Variants in C14orf93 observed in about 807,000 individuals in gnomAD.
C14orf93 encodes the protein chromosome 14 open reading frame 93.
A neutral mutation model predicts 44.0 loss-of-function variants in C14orf93; 23 were observed. That is an observed-to-expected ratio of 0.52 (90% confidence interval 0.38 to 0.74). The LOEUF is 0.74. Among genes scored for constraint, C14orf93 ranks in the 30% least tolerant of loss-of-function variants. C14orf93 has a pLI of 0.00. For missense variants in C14orf93, 579 were observed against 678.9 expected (o/e 0.85, Z 1.64); for synonymous variants, 253 against 265.7 (o/e 0.95, Z 0.46).
intron 5 of C14orf93, among the ~76,000 whole-genome samples, chr14:22,988,637 GGGACT>G (rs1445025832): frequency 1.3e-5 from 2 of 152,150 alleles, no homozygotes; most frequent in Admixed American, 1.3e-4. Context: ...CTGAGCAGCT[GGGACT>G]ACAGGTGCAC....
chr14:23,001,692 T>G (rs1002429600), intron 1 of C14orf93, among the ~76,000 whole-genome samples: 1 of 151,678 alleles, frequency 6.6e-6, no homozygotes, highest in African/African-American at 2.4e-5. Flanking sequence ...CTTGAACTCC[T>G]GACCTCAGGT....
At chr14:22,993,135 C>T (rs911562382) in intron 3 of C14orf93, among the ~76,000 whole-genome samples, 6 of 152,210 alleles carry the variant, frequency 3.9e-5, no homozygotes, top group Non-Finnish European at 7.3e-5. Flanking sequence ...CCGCCTTGGC[C>T]TCCCAGAGTG....
At chr14:23,007,635 A>T (rs2139837283) in intron 1 of C14orf93, among the ~76,000 whole-genome samples, 1 of 152,332 alleles carries the variant, frequency 6.6e-6, no homozygotes, top group East Asian at 1.9e-4. Flanking sequence ...TATATGTGCG[A>T]GGAATTCTCT....
intron 2 of C14orf93, among the ~76,000 whole-genome samples, chr14:22,997,346 G>C (rs764314531): frequency 2.6e-5 from 4 of 152,124 alleles, no homozygotes; most frequent in Non-Finnish European, 5.9e-5. Context: ...CAGCAGATGG[G>C]CTGGGAGTTT....
chr14:23,002,160 A>C (rs548798216), intron 1 of C14orf93, among the ~76,000 whole-genome samples: 9 of 151,298 alleles, frequency 5.9e-5, no homozygotes, highest in African/African-American at 2.2e-4. Context: ...AAAAAAAAAA[A>C]AAAAGGGTGG....
chr14:22,991,829 C>T (rs2045654649), intron 3 of C14orf93, among the ~76,000 whole-genome samples: 1 of 152,158 alleles, frequency 6.6e-6, no homozygotes, highest in African/African-American at 2.4e-5. Flanking sequence ...CTCAGCCTCC[C>T]AAAGTGCTGG....
At chr14:23,001,840 A>T (rs1446731219) in intron 1 of C14orf93, among the ~76,000 whole-genome samples, 2 of 33,416 alleles carry the variant, frequency 6.0e-5, no homozygotes, top group African/African-American at 5.3e-4. Flanking sequence ...ACTGCAGGTT[A>T]AAAAAAAAAA....
At chr14:22,990,508 C>T (rs560777519) in intron 3 of C14orf93, among the ~76,000 whole-genome samples, 1 of 150,902 alleles carries the variant, frequency 6.6e-6, no homozygotes, top group South Asian at 2.1e-4. Flanking sequence ...CTTGCTCTGT[C>T]GCCCAGGCTA....
At position 22,987,939 on chromosome 14, in the gene C14orf93, T is replaced by C; in HGVS notation, c.1161A>G (p.Glu387=). Residue 387 remains glutamate, a synonymous_variant, in exon 6 of 7, where the codon GAA becomes GAG. Transcript: ENST00000299088. This position sits in a 1 kb window ranked among gnomAD's most constrained non-coding sequence, Gnocchi z 5.6. ...GACTTCGAAGTTTCTTCTCCTCTTT[T>C]TCCTTCAGGCCTTTAAAGGGGTTCA... ...NSLNPFKGLK[E]KEEKKLRSRR... 6.2e-7 allele frequency: 1 copy of C among 1,614,068 alleles called. No individual in the cohort carries two copies. The highest frequency in any genetic ancestry group is 8.5e-7 in the Non-Finnish European group (1 of 1,179,948).
intron 1 of C14orf93, among the ~76,000 whole-genome samples, chr14:23,003,252 G>A (rs573846164): frequency 1.3e-3 from 196 of 152,284 alleles, no homozygotes; most frequent in African/African-American, 4.7e-3. Flanking sequence ...GGTACAGTGT[G>A]GTCTAGCACA....
At chr14:23,008,312 G>A (rs1271774803) in intron 1 of C14orf93, among the ~76,000 whole-genome samples, 2 of 152,188 alleles carry the variant, frequency 1.3e-5, no homozygotes, top group Non-Finnish European at 2.9e-5. Flanking sequence ...TGAATTGTTA[G>A]AGAATAAAAA....
At chr14:23,004,210 A>AAAT (rs1450297253) in intron 1 of C14orf93, among the ~76,000 whole-genome samples, 1 of 139,054 alleles carries the variant, frequency 7.2e-6, no homozygotes, top group Non-Finnish European at 1.6e-5. Flanking sequence ...TCCCGGCCAA[A>AAAT]ATATATATAT....
At chr14:22,991,314 G>T (rs1253957076) in intron 3 of C14orf93, among the ~76,000 whole-genome samples, 1 of 150,684 alleles carries the variant, frequency 6.6e-6, no homozygotes, top group Non-Finnish European at 1.5e-5. Flanking sequence ...TGCCATCTCA[G>T]CTCACTGCAT....
At chr14:23,001,118 A>G (rs2046269609) in intron 1 of C14orf93, 1 of 152,226 alleles carries the variant, frequency 6.6e-6, no homozygotes, top group African/African-American at 2.4e-5. Flanking sequence ...TGAATCACTT[A>G]TGTATTCTTT....
chr14:23,003,385 T>C (rs1206198261), intron 1 of C14orf93, among the ~76,000 whole-genome samples: 1 of 152,266 alleles, frequency 6.6e-6, no homozygotes, highest in Non-Finnish European at 1.5e-5. Context: ...GATCAGCAGG[T>C]AATAAACGAG....
chr14:22,996,363 G>T lies in C14orf93; in HGVS notation c.598-95C>A. 8.2e-7 allele frequency: 1 copy of T among 1,224,616 alleles called. No homozygotes were observed. Among genetic ancestry groups the T allele is most frequent in the Non-Finnish European group, 1.1e-6 (1 of 893,700 alleles). 75.9% of individuals were successfully genotyped at this position (1,224,616 alleles called of 1,614,324 possible). A position where few individuals can be genotyped will look rare whatever the true frequency, so the allele number is the denominator to read the frequency against. ...TGGCTAAGAATAGTGAACAGAAAGT[G>T]GAAAGAAGGGGAACTCTAGCACAGT... On this transcript the variant is annotated intron_variant, in intron 2 of 6. Coordinates refer to ENST00000299088, the MANE Select transcript of C14orf93 (RefSeq NM_021944.4). This position sits in a 1 kb window ranked among gnomAD's most constrained non-coding sequence, Gnocchi z 4.1.
Position 22,987,538 on chromosome 14 carries a change from C to T in C14orf93, c.1294G>A (p.Asp432Asn). ...CACACACCTGGCTCGTTAAGACTGTCCTCTTCATCTGACATCAGTTCCTCT... is the reference window on the plus strand; with the variant it reads ...CACACACCTGGCTCGTTAAGACTGTTCTCTTCATCTGACATCAGTTCCTCT... The part of the protein sequence containing the change: ...VTEELMSDEE[D>N]SLNEPGVWVA... Residue 432 changes from aspartate (D) to asparagine (N), a missense_variant, in exon 7 of 7, where the codon GAC becomes AAC. Asp to Asn is a conservative substitution (Grantham distance 23). Coordinates refer to ENST00000299088, the MANE Select transcript of C14orf93 (RefSeq NM_021944.4). The surrounding 1 kb of genome is among the most constrained non-coding windows in gnomAD (Gnocchi z 5.6). The T allele has an allele frequency of 6.2e-7, 1 of 1,614,188 alleles. No homozygotes were observed. The highest frequency in any genetic ancestry group is 8.5e-7 in the Non-Finnish European group (1 of 1,180,030).
At position 22,996,333 on chromosome 14, in the gene C14orf93, T is replaced by C; in HGVS notation, c.598-65A>G. 6.9e-7 allele frequency: 1 copy of C among 1,451,928 alleles called. No homozygotes were observed. The highest frequency in any genetic ancestry group is 1.4e-5 in the African/African-American group (1 of 70,454). The allele number at this position is 1,451,928 out of a possible 1,614,324, so 89.9% of individuals were successfully genotyped here. On this transcript the variant is annotated intron_variant, in intron 2 of 6. Coordinates refer to ENST00000299088, the MANE Select transcript of C14orf93 (RefSeq NM_021944.4). The surrounding 1 kb of genome is among the most constrained non-coding windows in gnomAD (Gnocchi z 4.1). ...CTTAGGGGAACCTGGTTAACCATCATTCTTTGGCTAAGAATAGTGAACAGA... is the reference window on the plus strand; with the variant it reads ...CTTAGGGGAACCTGGTTAACCATCACTCTTTGGCTAAGAATAGTGAACAGA...
At position 22,987,211 on chromosome 14, in the gene C14orf93, G is replaced by T. The variant is rs2045271230; in HGVS notation, c.*4C>A. 6.2e-7 allele frequency: 1 copy of T among 1,606,776 alleles called. No individual in the cohort carries two copies. Among genetic ancestry groups the T allele is most frequent in the Admixed American group, 1.7e-5 (1 of 59,112 alleles). On this transcript the variant is annotated 3_prime_UTR_variant, in exon 7 of 7. Transcript: ENST00000299088. The surrounding 1 kb of genome is among the most constrained non-coding windows in gnomAD (Gnocchi z 5.6). ...GAAGCCAGAGTTATTCTTGGCTGTA[G>T]ATTTTATTCATCCTTTTCCACCTTG...
Sources: allele counts gnomAD v4.1 joint callset (sites outside exome capture counted in the v4.1 genomes callset), GRCh38; gene constraint gnomAD v4.1.1; non-coding constraint Gnocchi (gnomAD v3.1); transcripts MANE v1.5; gene names NCBI Gene and HGNC (gene_info 2026-07-23, HGNC 2026-07-21).